Variants in SNTG2 observed in about 807,000 individuals in gnomAD.
SNTG2 encodes gamma-2-syntrophin.
A neutral mutation model predicts 70.9 loss-of-function variants in SNTG2; 74 were observed. That is an observed-to-expected ratio of 1.04 (90% CI 0.86 to 1.27). The LOEUF is 1.27. SNTG2 is among the 50% of genes most tolerant of loss of function. The pLI is 0.00. For missense variants in SNTG2, 717 were observed against 690.7 expected (o/e 1.04, Z -0.43); for synonymous variants, 278 against 273.8 (o/e 1.02, Z -0.15).
At chr2:1,166,204 A>C (rs562046146) in intron 7 of SNTG2, among the ~76,000 whole-genome samples, 3 of 152,286 alleles carry the variant, frequency 2.0e-5, no homozygotes, top group Non-Finnish European at 4.4e-5. Context: ...TGGAGTCACC[A>C]CCGTTCCTTT....
intron 13 of SNTG2, among the ~76,000 whole-genome samples, chr2:1,262,613 A>AGTCCAGACGTAGTAACCGGAAGGCTCC (rs1678472479): frequency 6.6e-6 from 1 of 152,226 alleles, no homozygotes; most frequent in South Asian, 2.1e-4. Context: ...CCAAAGGCTC[A>AGTCCAGACGTAGTAACCGGAAGGCTCC]GTCCAGACGA....
rs373573459 is a variant in SNTG2, at chr2:994,596, G to T, written c.72+43528G>T. The stretch of plus-strand genomic sequence containing the variant: ...ATCAGCTGGGATTTTGATAGACATT[G>T]TATTGAATCTGTAGATCAATTTGAG... On this transcript the variant is annotated intron_variant, in intron 1 of 16. Transcript: ENST00000308624. Among the ~76,000 whole-genome samples the T allele has an allele frequency of 3.9e-5, 6 of 152,122 alleles. No individual in the cohort carries two copies. The East Asian group carries it at 9.7e-4, about 24-fold the overall frequency.
chr2:1,100,154 G>GT (rs111958119), intron 4 of SNTG2, among the ~76,000 whole-genome samples: 7,531 of 145,922 alleles, frequency 0.052, 317 homozygotes, highest in South Asian at 0.23. Flanking sequence ...CTTTTCCAGG[G>GT]TTTTTTTTTT....
At chr2:1,325,636 T>C (rs933166095) in intron 16 of SNTG2, among the ~76,000 whole-genome samples, 16 of 152,228 alleles carry the variant, frequency 1.1e-4, no homozygotes, top group Admixed American at 8.5e-4. Flanking sequence ...GTTCATTTTG[T>C]TAATAAGATT....
intron 6 of SNTG2, 127 bp from the exon 7 acceptor site, chr2:1,165,421 C>T (rs1293857539): frequency 3.7e-5 from 33 of 888,396 alleles, no homozygotes; most frequent in African/African-American, 5.1e-5. Flanking sequence ...CAAAGTTTTC[C>T]GTGTTTCAGA....
At chr2:1,035,969 A>G (rs925803368) in intron 1 of SNTG2, among the ~76,000 whole-genome samples, 5 of 152,316 alleles carry the variant, frequency 3.3e-5, no homozygotes, top group African/African-American at 1.2e-4. Flanking sequence ...TCATAATTGT[A>G]TTTCCTACCT....
intron 10 of SNTG2, among the ~76,000 whole-genome samples, chr2:1,239,469 A>C (rs1676908565): frequency 1.3e-5 from 2 of 152,208 alleles, no homozygotes; most frequent in African/African-American, 2.4e-5. Flanking sequence ...TTTCTCAGAT[A>C]TTGGAATTTA....
chr2:992,652 C>T (rs1661538793), intron 1 of SNTG2, among the ~76,000 whole-genome samples: 1 of 152,130 alleles, frequency 6.6e-6, no homozygotes, highest in Admixed American at 6.5e-5. Context: ...AATTTGCTCC[C>T]CTTCCACATT....
At chr2:1,087,049 C>T (rs755875960) in intron 2 of SNTG2, among the ~76,000 whole-genome samples, 10 of 152,002 alleles carry the variant, frequency 6.6e-5, no homozygotes, top group Non-Finnish European at 1.2e-4. Context: ...TTTGAGGAAT[C>T]CGGGGTGCTA....
At chr2:1,052,566 T>C (rs1321918592) in intron 1 of SNTG2, among the ~76,000 whole-genome samples, 1 of 152,232 alleles carries the variant, frequency 6.6e-6, no homozygotes, top group Non-Finnish European at 1.5e-5. Context: ...GTTTCATGTA[T>C]TTCTGCTCTT....
At chr2:1,039,931 T>C (rs1481129184) in intron 1 of SNTG2, among the ~76,000 whole-genome samples, 1 of 152,094 alleles carries the variant, frequency 6.6e-6, no homozygotes, top group Admixed American at 6.5e-5. Context: ...ACCTCTGGGC[T>C]CCTTTTGGCT....
chr2:1,080,139 C>A (rs1331252660), intron 1 of SNTG2, among the ~76,000 whole-genome samples: 2 of 151,594 alleles, frequency 1.3e-5, no homozygotes, highest in Admixed American at 1.3e-4. Flanking sequence ...GGGGGACAAG[C>A]GATGGCTTAG....
intron 1 of SNTG2, among the ~76,000 whole-genome samples, chr2:1,018,964 G>A (rs1660002672): frequency 6.6e-6 from 1 of 152,144 alleles, no homozygotes; most frequent in African/African-American, 2.4e-5. Flanking sequence ...TGTCCTGACA[G>A]GTTTCCCACT....
At chr2:1,194,584 G>A (rs188413622) in intron 8 of SNTG2, among the ~76,000 whole-genome samples, 58 of 152,056 alleles carry the variant, frequency 3.8e-4, no homozygotes, top group East Asian at 2.3e-3. Flanking sequence ...TCGTGTTGCC[G>A]CCTGCAATAG....
At chr2:1,221,399 G>T (rs1190631362) in intron 9 of SNTG2, among the ~76,000 whole-genome samples, 1 of 94,360 alleles carries the variant, frequency 1.1e-5, no homozygotes, top group Admixed American at 1.0e-4. Flanking sequence ...CTCTGTCTCT[G>T]TCCCTCTCAG....
intron 9 of SNTG2, among the ~76,000 whole-genome samples, chr2:1,220,723 A>T (rs576094472): frequency 6.6e-6 from 1 of 152,246 alleles, no homozygotes. Flanking sequence ...GTTCTCTGGC[A>T]TGTGTCCTAC....
chr2:1,253,478 T>C (rs1386492020), intron 12 of SNTG2, among the ~76,000 whole-genome samples: 2 of 152,176 alleles, frequency 1.3e-5, no homozygotes, highest in Non-Finnish European at 2.9e-5. Flanking sequence ...TGTAGAAATA[T>C]TCACAGAGCT....
chr2:1,165,595 G>C lies in SNTG2; in HGVS notation c.459G>C (p.Glu153Asp), dbSNP rs1477352498. The C allele has an allele frequency of 6.2e-7, 1 of 1,613,136 alleles. No homozygotes were observed. The highest frequency in any genetic ancestry group is 2.2e-5 in the East Asian group (1 of 44,832). Reference protein sequence around the residue: ...NAGDEVTITVEYLREAPAFLK... With the variant: ...NAGDEVTITVDYLREAPAFLK... The stretch of plus-strand genomic sequence containing the variant: ...GCGATGAAGTTACCATCACCGTTGA[G>C]TATCTCAGGGAAGCGCCGGCATTTC... The change falls in exon 7 of 17, where the codon GAG (glutamate) becomes GAC (aspartate). Residue 153 changes from glutamate (E) to aspartate (D), a missense_variant. Physicochemically the swap from Glu to Asp is conservative, Grantham distance 45. Transcript: ENST00000308624.
chr2:1,082,869 G>C (rs1158738793), intron 1 of SNTG2, among the ~76,000 whole-genome samples: 1 of 152,220 alleles, frequency 6.6e-6, no homozygotes, highest in Non-Finnish European at 1.5e-5. Context: ...TGCTGACAAA[G>C]CTGATAGATT....
Sources: allele counts gnomAD v4.1 joint callset (sites outside exome capture counted in the v4.1 genomes callset), GRCh38; gene constraint gnomAD v4.1.1; transcripts MANE v1.5; gene names NCBI Gene and HGNC (gene_info 2026-07-23, HGNC 2026-07-21).